NOX4: variants seen among roughly 807,000 people sequenced by gnomAD.
NOX4 encodes the protein kidney oxidase-1.
A neutral mutation model predicts 87.6 loss-of-function variants in NOX4; 69 were observed. The observed-to-expected ratio is 0.79, with a 90% confidence interval of 0.65 to 0.96. The LOEUF (loss-of-function observed/expected upper bound fraction) is 0.96, where lower values mean the gene tolerates loss of function less well. NOX4 is among the 40% of genes least tolerant of loss of function. The probability of loss-of-function intolerance (pLI) is 0.00; values close to 1 mark genes in which losing one functional copy is unlikely to be tolerated. For synonymous variants in NOX4, 275 were observed against 238.2 expected, an observed-to-expected ratio of 1.15 and a Z score of -1.42; for missense variants, 680 against 681.5, an observed-to-expected ratio of 1.00 and a Z score of 0.02.
Position 89,381,389 on chromosome 11 carries a change from G to A in NOX4, c.1075-7897C>T, listed in dbSNP as rs564815562. Among the ~76,000 whole-genome samples the A allele has an allele frequency of 1.8e-4, 27 of 152,164 alleles. 1 individual carries two copies. The highest frequency in any genetic ancestry group is 5.5e-4 in the African/African-American group (23 of 41,520). ...AGTCACAAAAGAAGAGAAAATGGCCGGTTCCTGCCTTTGATGACATTACCT... is the reference window on the plus strand; with the variant it reads ...AGTCACAAAAGAAGAGAAAATGGCCAGTTCCTGCCTTTGATGACATTACCT... On this transcript the variant is annotated intron_variant, in intron 11 of 17. Coordinates refer to ENST00000263317, the MANE Select transcript of NOX4 (RefSeq NM_016931.5).
chr11:89,390,766 C>T (rs1406262712), intron 11 of NOX4, among the ~76,000 whole-genome samples: 2 of 152,134 alleles, frequency 1.3e-5, no homozygotes, highest in African/African-American at 4.8e-5. Flanking sequence ...CAAATTGCGT[C>T]TATTTGTCTT....
chr11:89,441,504 T>C (rs1052037889), intron 5 of NOX4, among the ~76,000 whole-genome samples: 7 of 152,148 alleles, frequency 4.6e-5, no homozygotes, highest in African/African-American at 1.2e-4. Context: ...ACGATTGATA[T>C]AGTGTCATCT....
At chr11:89,438,875 A>T (rs1169755683) in intron 6 of NOX4, among the ~76,000 whole-genome samples, 1 of 52,462 alleles carries the variant, frequency 1.9e-5, no homozygotes, top group Non-Finnish European at 2.9e-5. Flanking sequence ...TTATATATAT[A>T]ATATATAATA....
chr11:89,570,209 CAT>C, the NOX4 span, among the ~76,000 whole-genome samples: 2 of 152,160 alleles, frequency 1.3e-5, no homozygotes, highest in African/African-American at 2.4e-5. Flanking sequence ...TGCAGCAACA[CAT>C]GTGGAATTGG....
At chr11:89,533,125 AT>A in the NOX4 span, among the ~76,000 whole-genome samples, 1 of 152,220 alleles carries the variant, frequency 6.6e-6, no homozygotes, top group East Asian at 1.9e-4. Context: ...GAATGTATGT[AT>A]TGGAATCAAA....
the NOX4 span, among the ~76,000 whole-genome samples, chr11:89,581,176 T>C: frequency 3.3e-5 from 5 of 152,170 alleles, no homozygotes; most frequent in African/African-American, 4.8e-5. Flanking sequence ...ATGTGCTGGA[T>C]TGACAGCAAG....
intron 15 of NOX4, 49 bp downstream of exon 15, chr11:89,340,014 A>C: frequency 1.1e-6 from 1 of 933,822 alleles, no homozygotes; most frequent in South Asian, 1.8e-5. Flanking sequence ...AAAAGCTATA[A>C]CATTTTTAAT....
the NOX4 span, chr11:89,577,192 G>C: frequency 6.6e-6 from 1 of 151,904 alleles, no homozygotes; most frequent in Non-Finnish European, 1.5e-5. Context: ...TTTTTTACTA[G>C]CATAGAGAAT....
upstream of NOX4, among the ~76,000 whole-genome samples, chr11:89,503,035 AC>A (rs1947038213): frequency 6.6e-6 from 1 of 152,006 alleles, no homozygotes; most frequent in Admixed American, 6.6e-5. Context: ...AATGAAAAAT[AC>A]CCTTTATCTT....
chr11:89,495,559 A>C (rs182539914), upstream of NOX4, among the ~76,000 whole-genome samples: 1 of 152,134 alleles, frequency 6.6e-6, no homozygotes, highest in East Asian at 1.9e-4. Flanking sequence ...TTTCCTTATA[A>C]AGTAACTTTA....
intron 7 of NOX4, among the ~76,000 whole-genome samples, chr11:89,423,480 T>G (rs1389052081): frequency 6.6e-6 from 1 of 152,172 alleles, no homozygotes; most frequent in Non-Finnish European, 1.5e-5. Context: ...CTGCAGGTTC[T>G]TATATATTGC....
At chr11:89,438,598 AATACT>A (rs1944228362) in intron 6 of NOX4, among the ~76,000 whole-genome samples, 1 of 67,400 alleles carries the variant, frequency 1.5e-5, no homozygotes, top group South Asian at 5.8e-4. Flanking sequence ...TACTATATAT[AATACT>A]ATATATAATA....
chr11:89,378,541 T>C (rs1940034345), intron 11 of NOX4, among the ~76,000 whole-genome samples: 1 of 152,196 alleles, frequency 6.6e-6, no homozygotes, highest in South Asian at 2.1e-4. Flanking sequence ...GATCAAGAAC[T>C]ATTTCTAAAT....
chr11:89,518,090 G>A, the NOX4 span, among the ~76,000 whole-genome samples: 5 of 152,050 alleles, frequency 3.3e-5, no homozygotes, highest in South Asian at 4.2e-4. Context: ...AAATAAATTG[G>A]CTAAACAGAG....
intron 2 of NOX4, among the ~76,000 whole-genome samples, chr11:89,452,385 C>T (rs181469843): frequency 6.6e-6 from 1 of 152,140 alleles, no homozygotes; most frequent in East Asian, 1.9e-4. Flanking sequence ...GCAAGCTCTG[C>T]TTATCACTAA....
chr11:89,448,572 T>A (rs996619091), intron 4 of NOX4, among the ~76,000 whole-genome samples: 1 of 152,056 alleles, frequency 6.6e-6, no homozygotes, highest in African/African-American at 2.4e-5. Flanking sequence ...TACTAATGAG[T>A]ATTTCACATT....
At chr11:89,372,646 C>A (rs1939530770) in intron 12 of NOX4, among the ~76,000 whole-genome samples, 1 of 151,536 alleles carries the variant, frequency 6.6e-6, no homozygotes, top group Non-Finnish European at 1.5e-5. Flanking sequence ...CAGCCCTAGA[C>A]CACATTTAAT....
chr11:89,406,316 C>T (rs1942177205), intron 8 of NOX4, among the ~76,000 whole-genome samples: 1 of 152,056 alleles, frequency 6.6e-6, no homozygotes, highest in South Asian at 2.1e-4. Context: ...ATTTGAGGCA[C>T]ATGTTCTATA....
At position 89,422,768 on chromosome 11, in the gene NOX4, A is replaced by G. The variant is rs186732986; in HGVS notation, c.549-786T>C. Reference sequence around the variant, plus strand: ...TGGTATCATAAACAGTATCATTACCATCCCTTGTAACATATACAAAGTTCT... The same window carrying G: ...TGGTATCATAAACAGTATCATTACCGTCCCTTGTAACATATACAAAGTTCT... On this transcript the variant is annotated intron_variant, in intron 7 of 17. Coordinates refer to ENST00000263317, the MANE Select transcript of NOX4 (RefSeq NM_016931.5). Among the ~76,000 whole-genome samples the G allele has an allele frequency of 8.0e-5, 12 of 150,076 alleles. 1 individual carries two copies. Among genetic ancestry groups the G allele is most frequent in the Admixed American group, 6.7e-4 (10 of 15,016 alleles).
Sources: gnomAD v4.1 joint callset for allele counts (sites outside exome capture counted in the v4.1 genomes callset) on GRCh38, gnomAD v4.1.1 for gene constraint, MANE v1.5 for transcripts, NCBI Gene and HGNC (gene_info 2026-07-23, HGNC 2026-07-21) for gene names.